PTCD1: variants seen among roughly 807,000 people sequenced by gnomAD.
PTCD1 encodes pentatricopeptide repeat domain 1, also known as pentatricopeptide repeat-containing protein 1, mitochondrial.
A neutral mutation model predicts 53.4 loss-of-function variants in PTCD1; 50 were observed. That is an observed-to-expected ratio of 0.94 (90% CI 0.75 to 1.19). The LOEUF (loss-of-function observed/expected upper bound fraction) is 1.19, where lower values mean the gene tolerates loss of function less well. Ranked by LOEUF, PTCD1 falls within the 50% of genes most tolerant of loss-of-function variation. The probability of loss-of-function intolerance (pLI) is 0.00; values close to 1 mark genes in which losing one functional copy is unlikely to be tolerated. For missense variants in PTCD1, 918 were observed against 904.8 expected (o/e 1.01, Z -0.19); for synonymous variants, 413 against 394.8 (o/e 1.05, Z -0.55).
In PTCD1 at chr7:99,419,262, G is replaced by C; in HGVS notation, c.*705C>G. The C allele has an allele frequency of 8.6e-7, 1 of 1,161,458 alleles. No individual in the cohort carries two copies. Among genetic ancestry groups the C allele is most frequent in the Non-Finnish European group, 1.3e-6 (1 of 796,052 alleles). The allele number at this position is 1,161,458 out of a possible 1,614,324, so 71.9% of individuals were successfully genotyped here. Reference sequence around the variant, plus strand: ...ATTTTCCCTGTCCAGAGCTGTCAAGGAAGGGTTTCTGAGGTGTGTCCCTAT... The same window carrying C: ...ATTTTCCCTGTCCAGAGCTGTCAAGCAAGGGTTTCTGAGGTGTGTCCCTAT... On this transcript the variant is annotated 3_prime_UTR_variant, in exon 8 of 8. Transcript: ENST00000292478.
chr7:99,426,985 G>A (rs1485146818), intron 5 of PTCD1, among the ~76,000 whole-genome samples: 6 of 149,826 alleles, frequency 4.0e-5, no homozygotes, highest in South Asian at 2.1e-4. Context: ...CCTGGCAGCC[G>A]CCCCGTCTGA....
At position 99,425,199 on chromosome 7, in the gene PTCD1, G is replaced by A. The variant is rs756153809; in HGVS notation, c.1333C>T (p.Pro445Ser). 3.1e-6 allele frequency: 5 copies of A among 1,612,622 alleles called. No individual in the cohort carries two copies. Among genetic ancestry groups the A allele is most frequent in the Non-Finnish European group, 4.2e-6 (5 of 1,178,816 alleles). Reference protein sequence around the residue: ...PVELEVNLLTPGAVPPTVVSF... With the variant: ...PVELEVNLLTSGAVPPTVVSF... ...ACCACTGTAGGGGGAACGGCCCCGG[G>A]GGTCAGGAGGTTGACTTCCAGCTCC... Residue 445 changes from proline to serine, a missense_variant, in exon 6 of 8, where the codon CCC becomes TCC. Pro to Ser is a moderately conservative substitution (Grantham distance 74, BLOSUM62 -1). Coordinates refer to ENST00000292478, the MANE Select transcript of PTCD1 (RefSeq NM_015545.4).
At chr7:99,435,379 CTG>C in intron 1 of PTCD1, 111 bp from the exon 2 acceptor site, 2 of 1,400,152 alleles carry the variant, frequency 1.4e-6, no homozygotes, top group Non-Finnish European at 1.9e-6. Context: ...TGGCTCATGC[CTG>C]TAATCCCAGC....
At chr7:99,432,978 G>T in intron 3 of PTCD1, 1 of 477,156 alleles carries the variant, frequency 2.1e-6, no homozygotes, top group South Asian at 2.1e-5. Flanking sequence ...GAGCCAAGGA[G>T]TTGGAGGCTG....
intron 7 of PTCD1, among the ~76,000 whole-genome samples, chr7:99,422,232 G>C (rs1474801948): frequency 6.6e-6 from 1 of 152,234 alleles, no homozygotes; most frequent in Non-Finnish European, 1.5e-5. Flanking sequence ...TTTGTAGGAA[G>C]CCCTCAAAAT....
At position 99,423,932 on chromosome 7, in the gene PTCD1, T is replaced by G. The variant is rs967057404; in HGVS notation, c.1763A>C (p.His588Pro). ...MKKSQVTPNT[H>P]IYSALINAAI... is the part of the protein sequence containing the mutation. ...CGCGTTGATGAGGGCACTGTAGATG[T>G]GAGTGTTGGGGGTCACCTGGGACTT... The change falls in exon 7 of 8, where the codon CAC (histidine) becomes CCC (proline). Residue 588 changes from histidine (H) to proline (P), a missense_variant. Physicochemically the swap from His to Pro is moderately conservative, Grantham distance 77 (BLOSUM62 -2). Transcript: ENST00000292478. 1.2e-6 allele frequency: 2 copies of G among 1,614,124 alleles called. No homozygotes were observed. Among genetic ancestry groups the G allele is most frequent in the Non-Finnish European group, 1.7e-6 (2 of 1,180,016 alleles).
rs370300512 is a variant in PTCD1, at chr7:99,417,337, GC to G, written c.*2629del. On this transcript the variant is annotated 3_prime_UTR_variant, in exon 8 of 8. Transcript: ENST00000292478. ...CAAAGTGCTGGGATTACAGGTGTGA[GC>G]CACTGCACCCGGCCTGAATGCTTTT... 39 of 1,328,902 alleles carry G rather than the reference GC, an allele frequency of 2.9e-5. No homozygotes were observed. The African/African-American group carries it at 4.9e-4, about 17-fold the overall frequency. 82.3% of individuals were successfully genotyped at this position (1,328,902 alleles called of 1,614,324 possible).
Position 99,424,898 on chromosome 7 carries a change from A to T in PTCD1, c.1634T>A (p.Val545Asp). Residue 545 changes from valine (V) to aspartate (D), a missense_variant, in exon 6 of 8, where the codon GTC becomes GAC. Val to Asp is a radical substitution (Grantham distance 152). Transcript: ENST00000292478. ...GGGGACGAGGCCCCTCTTTGCCAGG[A>T]CCGGCAACAGCGCCTTGGCCCCCTC... ...DLEGAKALLP[V>D]LAKRGLVPNL... 6.2e-7 allele frequency: 1 copy of T among 1,614,228 alleles called. No homozygotes were observed. The highest frequency in any genetic ancestry group is 8.5e-7 in the Non-Finnish European group (1 of 1,180,038).
Position 99,424,785 on chromosome 7 carries a change from G to A in PTCD1, c.1737+10C>T, listed in dbSNP as rs761286801. 189 of 1,613,960 alleles carry A rather than the reference G, an allele frequency of 1.2e-4. No homozygotes were observed. The highest frequency in any genetic ancestry group is 1.6e-4 in the Non-Finnish European group (184 of 1,180,008). On this transcript the variant is annotated intron_variant, in intron 6 of 7. Transcript: ENST00000292478. ...CCATGGGTGTCCTGCCCAGGCCCGA[G>A]TCCACTCACCTTCATGTCTGTGAGA...
intron 7 of PTCD1, among the ~76,000 whole-genome samples, chr7:99,422,997 C>T (rs973562341): frequency 6.6e-6 from 1 of 151,158 alleles, no homozygotes; most frequent in Non-Finnish European, 1.5e-5. Context: ...GGAGAGAGCT[C>T]TTCTCTTTTT....
intron 1 of PTCD1, among the ~76,000 whole-genome samples, chr7:99,437,900 C>T (rs1217065426): frequency 2.0e-5 from 3 of 151,940 alleles, no homozygotes; most frequent in Admixed American, 1.3e-4. Flanking sequence ...CCTGACCTCA[C>T]GTGATCCTCT....
chr7:99,419,243 C>T lies in PTCD1; in HGVS notation c.*724G>A. On this transcript the variant is annotated 3_prime_UTR_variant, in exon 8 of 8. Transcript: ENST00000292478. ...ACCTTCATGAGGGAGCCAAATTTTC[C>T]CTGTCCAGAGCTGTCAAGGAAGGGT... The T allele has an allele frequency of 2.2e-6, 2 of 916,036 alleles. No individual in the cohort carries two copies. The highest frequency in any genetic ancestry group is 1.6e-5 in the South Asian group (1 of 63,284). The allele number at this position is 916,036 out of a possible 1,614,324, so 56.7% of individuals were successfully genotyped here.
In PTCD1 at chr7:99,425,479, C is replaced by T. The variant is rs370566685; in HGVS notation, c.1053G>A (p.Ala351=). 13 of 1,613,094 alleles carry T rather than the reference C, an allele frequency of 8.1e-6. No homozygotes were observed. The highest frequency in any genetic ancestry group is 1.3e-5 in the African/African-American group (1 of 74,928). The change falls in exon 6 of 8, where the codon GCG becomes GCA. Residue 351 remains alanine, a synonymous_variant. Coordinates refer to ENST00000292478, the MANE Select transcript of PTCD1 (RefSeq NM_015545.4). ...SELLLKPREE[A]TVLQPPVSRQ... ...TGCTCACTGGGGGCTGAAGCACAGTCGCCTCCTCCCTGGGCTTCAGAAGCA... is the reference window on the plus strand; with the variant it reads ...TGCTCACTGGGGGCTGAAGCACAGTTGCCTCCTCCCTGGGCTTCAGAAGCA...
At chr7:99,427,836 G>A (rs1796115118) in intron 5 of PTCD1, among the ~76,000 whole-genome samples, 1 of 151,714 alleles carries the variant, frequency 6.6e-6, no homozygotes, top group African/African-American at 2.4e-5. Flanking sequence ...AACATGTGCT[G>A]TGTCCACTCA....
At chr7:99,421,429 T>TAA (rs555898363) in intron 7 of PTCD1, among the ~76,000 whole-genome samples, 3 of 122,146 alleles carry the variant, frequency 2.5e-5, no homozygotes, top group African/African-American at 5.9e-5. Flanking sequence ...CCCGTCTCTT[T>TAA]AAAAAAAAAA....
chr7:99,420,531 C>G (rs978887804), intron 7 of PTCD1, among the ~76,000 whole-genome samples: 3 of 152,232 alleles, frequency 2.0e-5, no homozygotes, highest in African/African-American at 7.2e-5. Context: ...ATTATCTCAA[C>G]ACTGCCAAGA....
intron 1 of PTCD1, among the ~76,000 whole-genome samples, chr7:99,436,220 G>A (rs981344867): frequency 2.6e-5 from 4 of 152,124 alleles, no homozygotes; most frequent in African/African-American, 4.8e-5. Flanking sequence ...TGGGATTACA[G>A]CAATGAGCCA....
Position 99,420,022 on chromosome 7 carries a change from C to T in PTCD1, c.2048G>A (p.Gly683Glu), listed in dbSNP as rs140168076. ...PWQKFRTKPQ[G>E]DQDTGKEADD... ...AGCCTCCTTGCCGGTGTCCTGGTCC[C>T]CCTGGGGCTTGGTCCGGAACTTCTG... Residue 683 changes from glycine (G) to glutamate (E), a missense_variant, in exon 8 of 8, where the codon GGG (glycine) becomes GAG (glutamate). By Grantham distance (98) the Gly-to-Glu change is moderately conservative. Transcript: ENST00000292478. The T allele has an allele frequency of 1.9e-6, 3 of 1,614,100 alleles. No homozygotes were observed. In the African/African-American group the frequency reaches 4.0e-5, roughly 22 times the overall value.
intron 3 of PTCD1, chr7:99,432,831 G>A (rs1031981059): frequency 3.8e-5 from 9 of 234,880 alleles, no homozygotes; most frequent in South Asian, 2.3e-4. Flanking sequence ...AGGCTGAGGC[G>A]GATGGCCAGG....
Sources: allele counts gnomAD v4.1 joint callset (sites outside exome capture counted in the v4.1 genomes callset), GRCh38; gene constraint gnomAD v4.1.1; transcripts MANE v1.5; gene names NCBI Gene and HGNC (gene_info 2026-07-23, HGNC 2026-07-21).